Variants in DHRS7B observed in about 807,000 individuals in gnomAD.
DHRS7B encodes the protein peroxisomal reductase activating PPAR-gamma.
In DHRS7B, 24 loss-of-function variants were observed where a neutral mutation model predicts 26.4. That is an observed-to-expected ratio of 0.91 (90% CI 0.66 to 1.28). The LOEUF is 1.28. DHRS7B is among the 50% of genes most tolerant of loss of function. DHRS7B has a pLI of 0.00. For missense variants in DHRS7B, 368 were observed against 419.4 expected (o/e 0.88, Z 1.07); for synonymous variants, 142 against 166.4 (o/e 0.85, Z 1.13).
intron 1 of DHRS7B, among the ~76,000 whole-genome samples, chr17:21,143,713 T>C (rs1160033913): frequency 1.3e-5 from 2 of 152,200 alleles, no homozygotes; most frequent in Non-Finnish European, 2.9e-5. Flanking sequence ...CATATACCTG[T>C]GTGTGCCCCT....
At chr17:21,141,130 C>A (rs1973498086) in intron 1 of DHRS7B, among the ~76,000 whole-genome samples, 1 of 152,106 alleles carries the variant, frequency 6.6e-6, no homozygotes, top group South Asian at 2.1e-4. Flanking sequence ...AAATTAATTT[C>A]TGTTGGGGAT....
chr17:21,181,526 A>G (rs564990366), intron 3 of DHRS7B, among the ~76,000 whole-genome samples: 1 of 152,320 alleles, frequency 6.6e-6, no homozygotes, highest in African/African-American at 2.4e-5. Context: ...AAGGCATCAC[A>G]TGGGCGAGAG....
At position 21,178,274 on chromosome 17, in the gene DHRS7B, C is replaced by G; in HGVS notation, c.241C>G (p.Leu81Val). 1 of 1,614,246 alleles carries G rather than the reference C, an allele frequency of 6.2e-7. No homozygotes were observed. Among genetic ancestry groups the G allele is most frequent in the East Asian group, 2.2e-5 (1 of 44,884 alleles). The change falls in exon 3 of 7, where the codon CTC becomes GTC. Residue 81 changes from leucine to valine, a missense_variant. Physicochemically the swap from Leu to Val is conservative, Grantham distance 32 (BLOSUM62 1). Coordinates refer to ENST00000395511, the MANE Select transcript of DHRS7B (RefSeq NM_015510.5). ...VFYAAGAKLV[L>V]CGRNGGALEE... is the part of the protein sequence containing the mutation. ...CTATGCTGCGGGTGCTAAACTGGTG[C>G]TCTGTGGCCGGAATGGTGGGGCCCT...
chr17:21,138,177 C>G (rs1973406174), intron 1 of DHRS7B, among the ~76,000 whole-genome samples: 1 of 135,608 alleles, frequency 7.4e-6, no homozygotes, highest in Non-Finnish European at 1.6e-5. Flanking sequence ...CATGCTTGGA[C>G]TTTCTCATTT....
chr17:21,161,701 T>C (rs1235824053), intron 1 of DHRS7B, among the ~76,000 whole-genome samples: 1 of 152,204 alleles, frequency 6.6e-6, no homozygotes, highest in Non-Finnish European at 1.5e-5. Flanking sequence ...ACTTACTGTA[T>C]GACTGTCCGA....
At chr17:21,133,364 A>G (rs1418433776) in intron 1 of DHRS7B, among the ~76,000 whole-genome samples, 1 of 152,202 alleles carries the variant, frequency 6.6e-6, no homozygotes, top group Non-Finnish European at 1.5e-5. Context: ...CAATCAATAT[A>G]TGTAAGAAGT....
intron 2 of DHRS7B, among the ~76,000 whole-genome samples, chr17:21,177,453 C>T (rs112894116): frequency 6.6e-6 from 1 of 152,158 alleles, no homozygotes; most frequent in African/African-American, 2.4e-5. Flanking sequence ...CTGCTGTGGT[C>T]GTAGTTGAAG....
At chr17:21,175,273 C>A (rs1974349700) in intron 2 of DHRS7B, among the ~76,000 whole-genome samples, 2 of 152,182 alleles carry the variant, frequency 1.3e-5, no homozygotes, top group South Asian at 2.1e-4. Context: ...ATGTTTTGAA[C>A]CCATCTAGCT....
chr17:21,152,120 T>A (rs993198964), intron 1 of DHRS7B, among the ~76,000 whole-genome samples: 2 of 152,220 alleles, frequency 1.3e-5, no homozygotes, highest in African/African-American at 4.8e-5. Context: ...ATTAAATCTC[T>A]TTTCTTTATG....
chr17:21,149,728 A>AT (rs1242707214), intron 1 of DHRS7B, among the ~76,000 whole-genome samples: 1 of 152,040 alleles, frequency 6.6e-6, no homozygotes, highest in Non-Finnish European at 1.5e-5. Context: ...TCTGTGAGAT[A>AT]TTTTTTTGTA....
chr17:21,178,988 A>G (rs1471428737), intron 3 of DHRS7B, among the ~76,000 whole-genome samples: 1 of 152,212 alleles, frequency 6.6e-6, no homozygotes, highest in African/African-American at 2.4e-5. Context: ...TCTGTCACCC[A>G]GGCTAGAGTG....
intron 1 of DHRS7B, among the ~76,000 whole-genome samples, chr17:21,150,133 C>T (rs1013942747): frequency 1.1e-5 from 1 of 90,954 alleles, no homozygotes; most frequent in African/African-American, 5.1e-5. Flanking sequence ...AAAAAAAAAA[C>T]TAAGGCATAG....
chr17:21,136,676 C>A (rs1230579149), intron 1 of DHRS7B, among the ~76,000 whole-genome samples: 1 of 151,972 alleles, frequency 6.6e-6, no homozygotes. Flanking sequence ...CTGCCTCAGA[C>A]TCCTGAGTAG....
At chr17:21,141,297 T>A (rs1973503713) in intron 1 of DHRS7B, among the ~76,000 whole-genome samples, 1 of 152,058 alleles carries the variant, frequency 6.6e-6, no homozygotes, top group South Asian at 2.1e-4. Context: ...CATTAACATA[T>A]GAAAACAGCA....
At chr17:21,180,827 A>ATATGAATTTTAGGATTATTTTTTTC (rs530162145) in intron 3 of DHRS7B, among the ~76,000 whole-genome samples, 10,373 of 152,232 alleles carry the variant, frequency 0.068, 571 homozygotes, top group African/African-American at 0.16. Context: ...TTGTAATCCC[A>ATATGAATTTTAGGATTATTTTTTTC]TATTTGTGCA....
At chr17:21,183,500 A>T in intron 3 of DHRS7B, 94 bp from the exon 4 acceptor site, 1 of 1,157,426 alleles carries the variant, frequency 8.6e-7, no homozygotes, top group Non-Finnish European at 1.2e-6. Flanking sequence ...ATATAAAGTT[A>T]CATTATTGTT....
intron 1 of DHRS7B, among the ~76,000 whole-genome samples, chr17:21,166,993 A>G (rs1455467367): frequency 6.6e-6 from 1 of 151,832 alleles, no homozygotes; most frequent in Non-Finnish European, 1.5e-5. Context: ...CCAACAACCT[A>G]TTTTTGTTAA....
chr17:21,145,897 TG>T (rs775102177), intron 1 of DHRS7B, among the ~76,000 whole-genome samples: 10 of 152,246 alleles, frequency 6.6e-5, no homozygotes, highest in Non-Finnish European at 1.3e-4. Context: ...CAACTTATGA[TG>T]GGTTTATTGA....
chr17:21,153,179 A>C (rs1057009157), intron 1 of DHRS7B, among the ~76,000 whole-genome samples: 3 of 152,206 alleles, frequency 2.0e-5, no homozygotes, highest in African/African-American at 7.2e-5. Context: ...ACTGATGGGT[A>C]ATGTAAATAG....
Sources: allele counts gnomAD v4.1 joint callset (sites outside exome capture counted in the v4.1 genomes callset), GRCh38; gene constraint gnomAD v4.1.1; transcripts MANE v1.5; gene names NCBI Gene and HGNC (gene_info 2026-07-23, HGNC 2026-07-21).